The following STPG2 variants were observed in gnomAD, a reference collection of about 807,000 sequenced individuals.
STPG2 encodes sperm-tail PG-rich repeat-containing protein 2.
STPG2 carries 56 observed loss-of-function variants against 54.2 expected under a neutral mutation model. The ratio of observed to expected loss-of-function variants is 1.03; its 90% CI spans 0.83 to 1.29. STPG2 has a LOEUF of 1.29. Ranked by LOEUF, STPG2 falls within the 50% of genes most tolerant of loss-of-function variation. The pLI is 0.00. For missense variants in STPG2, 596 were observed against 544.9 expected (o/e 1.09, Z -0.93); for synonymous variants, 200 against 181.8 (o/e 1.10, Z -0.81).
intron 10 of STPG2, among the ~76,000 whole-genome samples, chr4:97,672,206 T>G (rs1249824452): frequency 7.8e-6 from 1 of 127,876 alleles, no homozygotes; most frequent in Non-Finnish European, 1.6e-5. Flanking sequence ...GGAGTTTCAC[T>G]CTTGTTGCCC....
intron 5 of STPG2, among the ~76,000 whole-genome samples, chr4:98,089,516 T>C (rs887308134): frequency 6.6e-6 from 1 of 152,064 alleles, no homozygotes; most frequent in African/African-American, 2.4e-5. Context: ...AAAACATGCA[T>C]GTGCATGTGT....
chr4:97,930,173 A>G (rs1421193867), intron 8 of STPG2, among the ~76,000 whole-genome samples: 1 of 152,190 alleles, frequency 6.6e-6, no homozygotes, highest in Non-Finnish European at 1.5e-5. Context: ...CTGGGATTAC[A>G]GGCATGAGCC....
chr4:97,903,979 C>G (rs1389479235), intron 8 of STPG2, among the ~76,000 whole-genome samples: 1 of 152,184 alleles, frequency 6.6e-6, no homozygotes. Context: ...ATTGCTAGCA[C>G]AGCAGTCTGA....
intron 10 of STPG2, among the ~76,000 whole-genome samples, chr4:97,675,980 CTATA>C (rs915851798): frequency 7.0e-6 from 1 of 143,348 alleles, no homozygotes; most frequent in African/African-American, 2.6e-5. Flanking sequence ...AGACAATATA[CTATA>C]TATATAAAAC....
At chr4:98,098,296 G>A (rs1201738583) in intron 5 of STPG2, among the ~76,000 whole-genome samples, 1 of 151,890 alleles carries the variant, frequency 6.6e-6, no homozygotes, top group African/African-American at 2.4e-5. Flanking sequence ...AAACAGAATA[G>A]AGAACCCGGA....
At chr4:97,902,909 G>A (rs530316353) in intron 8 of STPG2, among the ~76,000 whole-genome samples, 1 of 152,164 alleles carries the variant, frequency 6.6e-6, no homozygotes, top group East Asian at 1.9e-4. Context: ...GGCCACTAAT[G>A]GATGAACAGA....
intron 10 of STPG2, among the ~76,000 whole-genome samples, chr4:97,660,138 G>A (rs563559592): frequency 3.9e-5 from 6 of 152,078 alleles, no homozygotes; most frequent in Middle Eastern, 3.4e-3. Flanking sequence ...GAGTAGCTGG[G>A]ACTACAGGCG....
intron 8 of STPG2, among the ~76,000 whole-genome samples, chr4:97,904,294 T>TGACCCCC (rs1197267396): frequency 1.3e-5 from 2 of 152,204 alleles, no homozygotes; most frequent in Non-Finnish European, 2.9e-5. Flanking sequence ...CCCTGACCCC[T>TGACCCCC]GACCCCCGAG....
At chr4:97,916,050 A>T (rs1731863340) in intron 8 of STPG2, among the ~76,000 whole-genome samples, 1 of 152,172 alleles carries the variant, frequency 6.6e-6, no homozygotes, top group Admixed American at 6.5e-5. Context: ...CAATCACTGC[A>T]TTTCATAATG....
intron 8 of STPG2, among the ~76,000 whole-genome samples, chr4:97,885,765 G>A (rs562374784): frequency 1.4e-4 from 21 of 152,068 alleles, no homozygotes; most frequent in African/African-American, 4.8e-4. Context: ...ATCCATGGAC[G>A]TTGGTATACG....
At chr4:97,937,314 G>A (rs1276497645) in intron 8 of STPG2, among the ~76,000 whole-genome samples, 1 of 151,850 alleles carries the variant, frequency 6.6e-6, no homozygotes, top group Non-Finnish European at 1.5e-5. Flanking sequence ...CTTTGCATTG[G>A]GTTAGAACAT....
At chr4:97,836,657 C>T (rs1728643083) in intron 9 of STPG2, among the ~76,000 whole-genome samples, 1 of 151,606 alleles carries the variant, frequency 6.6e-6, no homozygotes, top group Non-Finnish European at 1.5e-5. Flanking sequence ...AACTCTCAAT[C>T]CTTTTACCTC....
At chr4:97,755,898 C>G (rs1267264437) in intron 9 of STPG2, among the ~76,000 whole-genome samples, 1 of 152,142 alleles carries the variant, frequency 6.6e-6, no homozygotes, top group Non-Finnish European at 1.5e-5. Flanking sequence ...GAAAAATTCT[C>G]TAAAGAGTTA....
At chr4:97,568,677 G>C (rs982745695) in intron 10 of STPG2, among the ~76,000 whole-genome samples, 1 of 151,866 alleles carries the variant, frequency 6.6e-6, no homozygotes, top group Non-Finnish European at 1.5e-5. Context: ...CCAAACAAAT[G>C]ACTGAGTCCA....
intron 9 of STPG2, among the ~76,000 whole-genome samples, chr4:97,764,362 T>G (rs1478606347): frequency 6.6e-6 from 1 of 152,138 alleles, no homozygotes; most frequent in East Asian, 1.9e-4. Flanking sequence ...ATAGCTGATG[T>G]TCCCCTTTAA....
At chr4:97,690,171 C>T (rs978444342) in intron 10 of STPG2, among the ~76,000 whole-genome samples, 3 of 152,082 alleles carry the variant, frequency 2.0e-5, no homozygotes, top group Non-Finnish European at 4.4e-5. Flanking sequence ...TGAAAACTGT[C>T]ATCACCTTTT....
chr4:97,903,291 C>T (rs995560036), intron 8 of STPG2, among the ~76,000 whole-genome samples: 1 of 152,016 alleles, frequency 6.6e-6, no homozygotes, highest in Admixed American at 6.6e-5. Flanking sequence ...AATTATTCTA[C>T]AATGTATGTG....
intron 10 of STPG2, among the ~76,000 whole-genome samples, chr4:97,648,929 T>C (rs568041975): frequency 1.1e-4 from 17 of 152,254 alleles, no homozygotes; most frequent in African/African-American, 3.8e-4. Context: ...AAATTCTGGT[T>C]TTCCTTTCCA....
chr4:97,762,790 T>C (rs896565232), intron 9 of STPG2, among the ~76,000 whole-genome samples: 2 of 152,198 alleles, frequency 1.3e-5, no homozygotes, highest in Non-Finnish European at 2.9e-5. Flanking sequence ...GAGATATTAC[T>C]ATCAGATTAT....
Sources: allele counts gnomAD v4.1 joint callset (sites outside exome capture counted in the v4.1 genomes callset), GRCh38; gene constraint gnomAD v4.1.1; transcripts MANE v1.5; gene names NCBI Gene and HGNC (gene_info 2026-07-23, HGNC 2026-07-21).